Variants in DGKG observed in about 807,000 individuals in gnomAD.
DGKG encodes the protein DAG kinase gamma.
DGKG carries 78 observed loss-of-function variants against 105.3 expected under a neutral mutation model. That is an observed-to-expected ratio of 0.74 (90% CI 0.62 to 0.89). The LOEUF (loss-of-function observed/expected upper bound fraction) is 0.89. Among genes scored for constraint, DGKG ranks in the 40% least tolerant of loss-of-function variants. DGKG has a pLI of 0.00. For missense variants in DGKG, 958 were observed against 1,020.1 expected (o/e 0.94, Z 0.83); for synonymous variants, 346 against 367.1 (o/e 0.94, Z 0.66).
At chr3:186,258,948 C>T (rs1578737887) in intron 16 of DGKG, among the ~76,000 whole-genome samples, 1 of 152,110 alleles carries the variant, frequency 6.6e-6, no homozygotes. Flanking sequence ...TGAATGTGCC[C>T]TGCGGACACC....
At chr3:186,250,872 G>T (rs1721187892) in intron 19 of DGKG, among the ~76,000 whole-genome samples, 1 of 152,074 alleles carries the variant, frequency 6.6e-6, no homozygotes, top group South Asian at 2.1e-4. Flanking sequence ...CTTAAAAAAA[G>T]TAAATACTAG....
At position 186,268,901 on chromosome 3, in the gene DGKG, C is replaced by T; in HGVS notation, c.1016G>A (p.Trp339Ter). 1.2e-6 allele frequency: 2 copies of T among 1,613,648 alleles called. No homozygotes were observed. Among genetic ancestry groups the T allele is most frequent in the South Asian group, 2.2e-5 (2 of 91,074 alleles). The change falls in exon 12 of 25, where the codon TGG (tryptophan) becomes TAG (stop). Residue 339 changes from tryptophan (W) to a stop codon, truncating the protein, a stop_gained. Coordinates refer to ENST00000265022, the MANE Select transcript of DGKG (RefSeq NM_001346.3). LOFTEE classifies it high-confidence loss of function. The part of the protein sequence containing the change: ...KRSGEVMQHA[W>*]VEGNSSVKCD... Reference sequence around the variant, plus strand: ...CTTGACGGAGGAGTTCCCTTCCACCCATGCGTGCTGCATCACCTGCGGGAG... The same window carrying T: ...CTTGACGGAGGAGTTCCCTTCCACCTATGCGTGCTGCATCACCTGCGGGAG...
Position 186,149,012 on chromosome 3 carries a change from A to G in DGKG, c.*1078T>C. ...GCTAAATATATATATATACACGCAC[A>G]CACACACACACACGCGCGCACACAC... On this transcript the variant is annotated 3_prime_UTR_variant, in exon 25 of 25. Transcript: ENST00000265022. 3.2e-6 allele frequency: 3 copies of G among 930,064 alleles called. No individual in the cohort carries two copies. The highest frequency in any genetic ancestry group is 3.8e-6 in the Non-Finnish European group (3 of 781,536). The allele number at this position is 930,064 out of a possible 1,614,324, so 57.6% of individuals were successfully genotyped here.
chr3:186,200,916 C>T (rs1314158816), intron 21 of DGKG, among the ~76,000 whole-genome samples: 2 of 152,122 alleles, frequency 1.3e-5, no homozygotes, highest in Non-Finnish European at 2.9e-5. Flanking sequence ...CACAATGGTG[C>T]CTTTGAGAGG....
At chr3:186,195,391 G>T (rs1346990318) in intron 21 of DGKG, among the ~76,000 whole-genome samples, 1 of 152,088 alleles carries the variant, frequency 6.6e-6, no homozygotes, top group South Asian at 2.1e-4. Flanking sequence ...AAATTTCCTT[G>T]ATAGTATCAT....
chr3:186,261,825 G>C, intron 14 of DGKG, 47 bp from the exon 15 acceptor site: 1 of 1,267,926 alleles, frequency 7.9e-7, no homozygotes, highest in Non-Finnish European at 1.1e-6. Flanking sequence ...CATCCAATAG[G>C]GGGCGTGAGA....
At chr3:186,252,975 T>A in intron 18 of DGKG, 118 bp downstream of exon 18, 2 of 816,702 alleles carry the variant, frequency 2.4e-6, no homozygotes, top group Non-Finnish European at 4.1e-6. Context: ...ACTGCAGAGT[T>A]GAGTATTATG....
intron 19 of DGKG, among the ~76,000 whole-genome samples, chr3:186,246,920 G>A (rs746749931): frequency 6.6e-5 from 10 of 152,288 alleles, no homozygotes; most frequent in Middle Eastern, 3.4e-3. Context: ...CTGTTCACCC[G>A]TCCTGTTAAG....
intron 2 of DGKG, among the ~76,000 whole-genome samples, chr3:186,317,780 T>G (rs1293940729): frequency 6.6e-6 from 1 of 152,058 alleles, no homozygotes; most frequent in Non-Finnish European, 1.5e-5. Flanking sequence ...CGTGCTTGAG[T>G]CCTGTTTGTC....
At chr3:186,214,380 A>G (rs1360553463) in intron 20 of DGKG, among the ~76,000 whole-genome samples, 1 of 152,260 alleles carries the variant, frequency 6.6e-6, no homozygotes, top group East Asian at 1.9e-4. Flanking sequence ...ATTGCTGTAT[A>G]GCAGGCTCAT....
At chr3:186,185,926 ATC>A (rs1192504852) in intron 22 of DGKG, among the ~76,000 whole-genome samples, 1 of 151,860 alleles carries the variant, frequency 6.6e-6, no homozygotes, top group East Asian at 1.9e-4. Flanking sequence ...GAGAAACCCC[ATC>A]TCTATTAAAA....
At chr3:186,333,319 G>T (rs1484304895) in intron 1 of DGKG, among the ~76,000 whole-genome samples, 1 of 152,160 alleles carries the variant, frequency 6.6e-6, no homozygotes, top group Non-Finnish European at 1.5e-5. Flanking sequence ...TTACATTAAT[G>T]TAAGGAACAG....
At chr3:186,294,478 G>C (rs1723452308) in intron 5 of DGKG, among the ~76,000 whole-genome samples, 2 of 149,680 alleles carry the variant, frequency 1.3e-5, no homozygotes, top group African/African-American at 2.5e-5. Context: ...AGAGGTTGTG[G>C]TGAGCTGAGA....
At chr3:186,270,847 G>A (rs1009715387) in intron 11 of DGKG, among the ~76,000 whole-genome samples, 1 of 152,232 alleles carries the variant, frequency 6.6e-6, no homozygotes, top group African/African-American at 2.4e-5. Flanking sequence ...CCTGCAGGCT[G>A]AGAAGTTTGT....
rs146348828 is a variant in DGKG, at chr3:186,341,078, G to T, written c.-248-20371C>A. ...TCAGTGCCTTTTCCAAGTATTCAAG[G>T]TACTTTATCTCCTAGGCTAACTGGA... On this transcript the variant is annotated intron_variant, in intron 1 of 24. Transcript: ENST00000265022. Among the ~76,000 whole-genome samples the T allele has an allele frequency of 5.6e-4, 85 of 152,284 alleles. 1 individual carries two copies. In the East Asian group the frequency reaches 0.015, roughly 27 times the overall value.
At chr3:186,260,252 C>T (rs1721699074) in intron 16 of DGKG, among the ~76,000 whole-genome samples, 187 bp downstream of exon 16, 2 of 152,148 alleles carry the variant, frequency 1.3e-5, no homozygotes, top group South Asian at 4.1e-4. Flanking sequence ...CAGAGTTAGC[C>T]TTCCTGGGCA....
intron 21 of DGKG, among the ~76,000 whole-genome samples, chr3:186,204,809 T>A (rs563351456): frequency 3.9e-5 from 6 of 152,284 alleles, no homozygotes; most frequent in African/African-American, 1.4e-4. Flanking sequence ...TCATATAGGC[T>A]ATAAATGCAT....
chr3:186,160,754 C>T, intron 24 of DGKG: 1 of 985,434 alleles, frequency 1.0e-6, no homozygotes, highest in Non-Finnish European at 1.2e-6. Context: ...TGTAGTATCC[C>T]AGCAGAGGCC....
intron 2 of DGKG, 123 bp from the exon 3 acceptor site, chr3:186,307,100 G>A: frequency 1.5e-6 from 1 of 685,006 alleles, no homozygotes; most frequent in Non-Finnish European, 2.6e-6. Context: ...AAAATCTGGA[G>A]AAATGTCACC....
Sources: gnomAD v4.1 joint callset for allele counts (sites outside exome capture counted in the v4.1 genomes callset) on GRCh38, gnomAD v4.1.1 for gene constraint, MANE v1.5 for transcripts, NCBI Gene and HGNC (gene_info 2026-07-23, HGNC 2026-07-21) for gene names.